CNTNAP5: variants seen among roughly 807,000 people sequenced by gnomAD.
The protein encoded by CNTNAP5 is contactin associated protein family member 5.
Under a neutral mutation model 150.2 loss-of-function variants are expected in CNTNAP5, and 72 were observed. The ratio of observed to expected loss-of-function variants is 0.48; its 90% CI spans 0.40 to 0.58. The LOEUF is 0.58. Ranked by LOEUF, CNTNAP5 falls within the 20% of genes least tolerant of loss-of-function variation. The probability of loss-of-function intolerance (pLI) is 0.00; values close to 1 mark genes in which losing one functional copy is unlikely to be tolerated. For synonymous variants in CNTNAP5, 672 were observed against 619.8 expected, an observed-to-expected ratio of 1.08 and a Z score of -1.25; for missense variants, 1,636 against 1,626.2, an observed-to-expected ratio of 1.01 and a Z score of -0.10.
chr2:124,476,729 G>A (rs1693649060), intron 7 of CNTNAP5, among the ~76,000 whole-genome samples: 1 of 152,050 alleles, frequency 6.6e-6, no homozygotes, highest in Non-Finnish European at 1.5e-5. Flanking sequence ...CCAGAAACTT[G>A]GGCACCTCAC....
chr2:124,062,483 C>T (rs1682038761), intron 1 of CNTNAP5, among the ~76,000 whole-genome samples: 1 of 152,220 alleles, frequency 6.6e-6, no homozygotes, highest in Non-Finnish European at 1.5e-5. Context: ...TTTGCATATG[C>T]AATGTGTGGA....
At chr2:124,655,329 C>CT (rs1413888233) in intron 13 of CNTNAP5, among the ~76,000 whole-genome samples, 2 of 152,020 alleles carry the variant, frequency 1.3e-5, no homozygotes, top group African/African-American at 4.8e-5. Flanking sequence ...TGAACTCATT[C>CT]TTTTTTATGG....
At chr2:124,196,439 A>T (rs1019843695) in intron 1 of CNTNAP5, among the ~76,000 whole-genome samples, 1 of 152,246 alleles carries the variant, frequency 6.6e-6, no homozygotes, top group Non-Finnish European at 1.5e-5. Flanking sequence ...CACAGCGATT[A>T]CATGAGATAC....
At chr2:124,341,288 A>G (rs1056911007) in intron 3 of CNTNAP5, among the ~76,000 whole-genome samples, 2 of 152,120 alleles carry the variant, frequency 1.3e-5, no homozygotes, top group Non-Finnish European at 2.9e-5. Context: ...GTACTCAGAA[A>G]CAAGACATGG....
At chr2:124,788,825 G>A (rs1273992598) in intron 17 of CNTNAP5, among the ~76,000 whole-genome samples, 2 of 152,034 alleles carry the variant, frequency 1.3e-5, no homozygotes, top group Non-Finnish European at 2.9e-5. Context: ...TAGAAATGGA[G>A]TTTCACCATG....
chr2:124,888,079 A>G (rs1204347599), intron 21 of CNTNAP5, among the ~76,000 whole-genome samples: 1 of 152,142 alleles, frequency 6.6e-6, no homozygotes, highest in African/African-American at 2.4e-5. Context: ...TATTGAGTAT[A>G]GTATTCAACA....
At chr2:124,487,626 A>G (rs1354562930) in intron 7 of CNTNAP5, among the ~76,000 whole-genome samples, 1 of 151,982 alleles carries the variant, frequency 6.6e-6, no homozygotes, top group Non-Finnish European at 1.5e-5. Flanking sequence ...GTGCCCATAC[A>G]CACGGAATGA....
intron 8 of CNTNAP5, among the ~76,000 whole-genome samples, chr2:124,506,571 T>A (rs775739838): frequency 3.9e-5 from 6 of 152,164 alleles, no homozygotes; most frequent in Non-Finnish European, 5.9e-5. Context: ...CCCCTGAGCA[T>A]AGCAGAAAGG....
intron 3 of CNTNAP5, among the ~76,000 whole-genome samples, chr2:124,309,931 G>A (rs984485883): frequency 5.3e-5 from 8 of 152,146 alleles, no homozygotes; most frequent in African/African-American, 1.9e-4. Context: ...GCCTGTACTA[G>A]GCATCGGGAA....
intron 4 of CNTNAP5, among the ~76,000 whole-genome samples, chr2:124,430,060 G>A (rs1441411499): frequency 1.3e-5 from 2 of 152,192 alleles, no homozygotes. Context: ...AAACAGATGA[G>A]CATCTAATCC....
intron 9 of CNTNAP5, among the ~76,000 whole-genome samples, chr2:124,525,142 A>T (rs888546828): frequency 6.6e-6 from 1 of 152,264 alleles, no homozygotes; most frequent in African/African-American, 2.4e-5. Flanking sequence ...TTATAAATGC[A>T]TATCTATATA....
chr2:124,749,110 G>A (rs1052808778), intron 14 of CNTNAP5, among the ~76,000 whole-genome samples: 11 of 152,164 alleles, frequency 7.2e-5, no homozygotes, highest in African/African-American at 1.9e-4. Flanking sequence ...TCGCAAGATG[G>A]CACCTATGAG....
At chr2:124,299,584 A>G (rs1408462510) in intron 3 of CNTNAP5, among the ~76,000 whole-genome samples, 1 of 151,886 alleles carries the variant, frequency 6.6e-6, no homozygotes, top group South Asian at 2.1e-4. Flanking sequence ...TATCGAGTCT[A>G]TCATTGATGA....
chr2:124,119,053 G>A (rs748719830), intron 1 of CNTNAP5, among the ~76,000 whole-genome samples: 8 of 152,108 alleles, frequency 5.3e-5, no homozygotes, highest in Non-Finnish European at 7.4e-5. Context: ...CTTTAGGGCC[G>A]TTGCACTTAG....
intron 1 of CNTNAP5, among the ~76,000 whole-genome samples, chr2:124,140,008 G>A (rs537630077): frequency 6.6e-5 from 10 of 152,116 alleles, no homozygotes; most frequent in Admixed American, 2.0e-4. Context: ...TTCCCTTTCC[G>A]AGTCAAAGAA....
At chr2:124,099,446 A>C (rs1381573067) in intron 1 of CNTNAP5, among the ~76,000 whole-genome samples, 1 of 152,124 alleles carries the variant, frequency 6.6e-6, no homozygotes, top group Non-Finnish European at 1.5e-5. Context: ...CCTGTACCCT[A>C]TTGTCCAGCA....
chr2:124,758,130 T>C (rs1680879183), intron 14 of CNTNAP5, among the ~76,000 whole-genome samples: 1 of 152,094 alleles, frequency 6.6e-6, no homozygotes, highest in Admixed American at 6.6e-5. Flanking sequence ...AAAATAAAAC[T>C]GAGTCCGGCA....
intron 19 of CNTNAP5, among the ~76,000 whole-genome samples, chr2:124,823,212 C>T (rs1461130799): frequency 3.9e-5 from 6 of 152,140 alleles, no homozygotes; most frequent in Non-Finnish European, 7.4e-5. Flanking sequence ...AGGCTTAGAA[C>T]GGACATTTCC....
At chr2:124,555,099 AT>A (rs148422889) in intron 10 of CNTNAP5, among the ~76,000 whole-genome samples, 30,240 of 151,882 alleles carry the variant, frequency 0.2, 3,626 homozygotes, top group Non-Finnish European at 0.27. Context: ...ATGCTCTAGT[AT>A]TTTTTTTAAC....
Sources: allele counts gnomAD v4.1 joint callset (sites outside exome capture counted in the v4.1 genomes callset), GRCh38; gene constraint gnomAD v4.1.1; transcripts MANE v1.5; gene names NCBI Gene and HGNC (gene_info 2026-07-23, HGNC 2026-07-21).